The following SV2B variants were observed in gnomAD, a reference collection of about 807,000 sequenced individuals.
The protein encoded by SV2B is synaptic vesicle glycoprotein 2B.
Under a neutral mutation model 73.9 loss-of-function variants are expected in SV2B, and 41 were observed. The observed-to-expected ratio is 0.56, with a 90% CI of 0.43 to 0.72. The LOEUF is 0.72. Among genes scored for constraint, SV2B ranks in the 30% least tolerant of loss-of-function variants. The probability of loss-of-function intolerance (pLI) is 0.00; values close to 1 mark genes in which losing one functional copy is unlikely to be tolerated. For synonymous variants in SV2B, 314 were observed against 314.2 expected, an observed-to-expected ratio of 1.00 and a Z score of 0.01; for missense variants, 764 against 857.8, an observed-to-expected ratio of 0.89 and a Z score of 1.37.
intron 1 of SV2B, among the ~76,000 whole-genome samples, chr15:91,112,875 G>A (rs1412299090): frequency 3.3e-5 from 5 of 152,148 alleles, no homozygotes; most frequent in Non-Finnish European, 5.9e-5. Flanking sequence ...GGATTACAGT[G>A]GTGCCGTCAT....
chr15:91,125,800 ATT>A (rs2042465033), intron 1 of SV2B, among the ~76,000 whole-genome samples: 4 of 150,340 alleles, frequency 2.7e-5, no homozygotes, highest in African/African-American at 7.3e-5. Flanking sequence ...AAAAAAAAAA[ATT>A]CAGTCATTTA....
At chr15:91,262,864 G>A (rs1484488377) in intron 6 of SV2B, among the ~76,000 whole-genome samples, 1 of 152,186 alleles carries the variant, frequency 6.6e-6, no homozygotes, top group South Asian at 2.1e-4. Context: ...ACACATTGGT[G>A]AGGCTTCTGG....
rs1282278958 is a variant in SV2B, at chr15:91,300,170, G to A, written c.*7618G>A. On this transcript the variant is annotated 3_prime_UTR_variant, in exon 13 of 13. Transcript: ENST00000394232. ...AAGTAGTTAGAGATTTGGCAGTTTTGCCACATTTCAAATGGGCCAAACATT... is the reference window on the plus strand; with the variant it reads ...AAGTAGTTAGAGATTTGGCAGTTTTACCACATTTCAAATGGGCCAAACATT... 2.0e-5 allele frequency: 3 copies of A among 152,206 alleles called. No individual in the cohort carries two copies. The East Asian group carries it at 5.8e-4, about 29-fold the overall frequency. The allele number at this position is 152,206 out of a possible 1,614,324, so 9.4% of individuals were successfully genotyped here.
intron 1 of SV2B, among the ~76,000 whole-genome samples, chr15:91,168,491 A>C (rs892125301): frequency 3.3e-5 from 5 of 152,164 alleles, no homozygotes; most frequent in Non-Finnish European, 5.9e-5. Context: ...CAAGGCCAGC[A>C]GAGGAAAAAG....
At chr15:91,286,238 A>G (rs897657076) in intron 11 of SV2B, among the ~76,000 whole-genome samples, 6 of 152,134 alleles carry the variant, frequency 3.9e-5, no homozygotes, top group African/African-American at 1.2e-4. Context: ...GCTGATATCT[A>G]TTTCACTAGG....
At position 91,239,728 on chromosome 15, in the gene SV2B, T is replaced by C. The variant is rs1225600521; in HGVS notation, c.452-12091T>C. Among the ~76,000 whole-genome samples, 1 of 152,170 alleles carries C rather than the reference T, an allele frequency of 6.6e-6. No homozygotes were observed. Among genetic ancestry groups the C allele is most frequent in the Non-Finnish European group, 1.5e-5 (1 of 68,038 alleles). Reference sequence around the variant, plus strand: ...GGGTGCATTTGGCTTCTGGTAACAATAGCTTTGAATCATAAAGATACTCAT... The same window carrying C: ...GGGTGCATTTGGCTTCTGGTAACAACAGCTTTGAATCATAAAGATACTCAT... On this transcript the variant is annotated intron_variant, in intron 2 of 12. Transcript: ENST00000394232. The surrounding 1 kb of genome is among the most constrained non-coding windows in gnomAD (Gnocchi z 5.1).
rs1256154292 is a variant in SV2B at position 91,293,160 on chromosome 15, C to T, written c.*608C>T. On this transcript the variant is annotated 3_prime_UTR_variant, in exon 13 of 13. Transcript: ENST00000394232. ...TTTCTCCTATGTCTCCTAGGCTTTCCATGATAATTAGGTAATACATTTAAG... is the reference window on the plus strand; with the variant it reads ...TTTCTCCTATGTCTCCTAGGCTTTCTATGATAATTAGGTAATACATTTAAG... The T allele has an allele frequency of 6.6e-6, 1 of 152,148 alleles. No homozygotes were observed. The highest frequency in any genetic ancestry group is 2.4e-5 in the African/African-American group (1 of 41,414). The allele number at this position is 152,148 out of a possible 1,614,324, so 9.4% of individuals were successfully genotyped here. A position where few individuals can be genotyped will look rare whatever the true frequency, so the allele number is the denominator to read the frequency against.
intron 9 of SV2B, among the ~76,000 whole-genome samples, chr15:91,271,082 T>TGGGAGGACG (rs2048299749): frequency 7.7e-6 from 1 of 129,986 alleles, no homozygotes; most frequent in African/African-American, 3.1e-5. Flanking sequence ...CTGTGGATGA[T>TGGGAGGACG]GTTGTGGATG....
chr15:91,232,541 C>G lies in SV2B; in HGVS notation c.451+5827C>G, dbSNP rs973982723. Among the ~76,000 whole-genome samples the G allele has an allele frequency of 3.3e-5, 5 of 151,978 alleles. No homozygotes were observed. In the South Asian group the frequency reaches 6.2e-4, roughly 19 times the overall value. On this transcript the variant is annotated intron_variant, in intron 2 of 12. Transcript: ENST00000394232. This position sits in a 1 kb window ranked among gnomAD's most constrained non-coding sequence, Gnocchi z 4.7. ...TGTGGTTTAGGATGATCACTCTGCCCCAGTGATTTTGGTACTGAGAGTGCT... is the reference window on the plus strand; with the variant it reads ...TGTGGTTTAGGATGATCACTCTGCCGCAGTGATTTTGGTACTGAGAGTGCT...
At chr15:91,100,176 G>T (rs1382200526), upstream of SV2B, 1 of 152,062 alleles carries the variant, frequency 6.6e-6, no homozygotes, top group Non-Finnish European at 1.5e-5. The surrounding 1 kb of genome is among the most constrained non-coding windows in gnomAD (Gnocchi z 6.4). Context: ...GCGGGGGCGC[G>T]CTGCGCGCTG....
At position 91,124,354 on chromosome 15, in the gene SV2B, G is replaced by A. The variant is rs2151749077; in HGVS notation, c.-392+23991G>A. Reference sequence around the variant, plus strand: ...CAGGCAGGACTCTTGGGAGGATTGTGAAGCTAATGGCACCTCCTTCCTCAG... The same window carrying A: ...CAGGCAGGACTCTTGGGAGGATTGTAAAGCTAATGGCACCTCCTTCCTCAG... On this transcript the variant is annotated intron_variant, in intron 1 of 12. Coordinates refer to ENST00000394232, the MANE Select transcript of SV2B (RefSeq NM_001323032.3). The surrounding 1 kb of genome is among the most constrained non-coding windows in gnomAD (Gnocchi z 4.6). Among the ~76,000 whole-genome samples, 1 of 152,292 alleles carries A rather than the reference G, an allele frequency of 6.6e-6. No individual in the cohort carries two copies. The highest frequency in any genetic ancestry group is 2.1e-4 in the South Asian group (1 of 4,816).
At chr15:91,204,011 C>G (rs1357972973) in intron 1 of SV2B, among the ~76,000 whole-genome samples, 3 of 152,196 alleles carry the variant, frequency 2.0e-5, no homozygotes, top group Admixed American at 2.0e-4. Context: ...CAGTTCTGAT[C>G]AGTCGAAATA....
At position 91,106,318 on chromosome 15, in the gene SV2B, G is replaced by A. The variant is rs546225541; in HGVS notation, c.-392+5955G>A. Reference sequence around the variant, plus strand: ...TTTCAGGAAGGAGACATAGGTTTGAGTATCATTAGCATGTTATTTATTTTT... The same window carrying A: ...TTTCAGGAAGGAGACATAGGTTTGAATATCATTAGCATGTTATTTATTTTT... On this transcript the variant is annotated intron_variant, in intron 1 of 12. Transcript: ENST00000394232. The surrounding 1 kb of genome is among the most constrained non-coding windows in gnomAD (Gnocchi z 4.4). Among the ~76,000 whole-genome samples the A allele has an allele frequency of 2.6e-5, 4 of 152,282 alleles. No individual in the cohort carries two copies. In the South Asian group the frequency reaches 8.3e-4, roughly 32 times the overall value.
At position 91,123,293 on chromosome 15, in the gene SV2B, A is replaced by G. The variant is rs2042388264; in HGVS notation, c.-392+22930A>G. On this transcript the variant is annotated intron_variant, in intron 1 of 12. Coordinates refer to ENST00000394232, the MANE Select transcript of SV2B (RefSeq NM_001323032.3). This position sits in a 1 kb window ranked among gnomAD's most constrained non-coding sequence, Gnocchi z 4.7. Reference sequence around the variant, plus strand: ...CTTGTCTCAAAAACAAAAAATTGCAAAGGGAGTAGATTTTGTGTTCTTATC... The same window carrying G: ...CTTGTCTCAAAAACAAAAAATTGCAGAGGGAGTAGATTTTGTGTTCTTATC... Among the ~76,000 whole-genome samples the G allele has an allele frequency of 6.6e-6, 1 of 152,186 alleles. No homozygotes were observed. Among genetic ancestry groups the G allele is most frequent in the South Asian group, 2.1e-4 (1 of 4,830 alleles).
At chr15:91,256,005 G>A (rs917981768) in intron 4 of SV2B, among the ~76,000 whole-genome samples, 3 of 152,188 alleles carry the variant, frequency 2.0e-5, no homozygotes, top group African/African-American at 4.8e-5. Flanking sequence ...GTAAAGGGAA[G>A]TCTTGGCACC....
intron 2 of SV2B, among the ~76,000 whole-genome samples, chr15:91,250,463 A>G (rs887399841): frequency 5.3e-5 from 8 of 152,196 alleles, no homozygotes; most frequent in African/African-American, 1.9e-4. Context: ...TGCCACTTCT[A>G]TTCAACATAG....
rs1487115996 is a variant in SV2B at position 91,252,888 on chromosome 15, G to A, written c.784+368G>A. 1.3e-5 allele frequency among the ~76,000 whole-genome samples: 2 copies of A among 152,036 alleles called. No homozygotes were observed. The highest frequency in any genetic ancestry group is 2.9e-5 in the Non-Finnish European group (2 of 67,998). ...GGTAACCTGATTTAATAGATGACAGGTATGTGACAAAAGCCAAGAGAAGTT... is the reference window on the plus strand; with the variant it reads ...GGTAACCTGATTTAATAGATGACAGATATGTGACAAAAGCCAAGAGAAGTT... On this transcript the variant is annotated intron_variant, in intron 4 of 12. Transcript: ENST00000394232. The surrounding 1 kb of genome is among the most constrained non-coding windows in gnomAD (Gnocchi z 4.6).
intron 1 of SV2B, among the ~76,000 whole-genome samples, chr15:91,180,388 C>G (rs1010921652): frequency 2.7e-4 from 41 of 151,688 alleles, no homozygotes; most frequent in Non-Finnish European, 5.4e-4. Flanking sequence ...TTGCTCTTCT[C>G]GAGGAGTATC....
At chr15:91,225,029 G>C (rs911000086) in intron 1 of SV2B, among the ~76,000 whole-genome samples, 1 of 152,204 alleles carries the variant, frequency 6.6e-6, no homozygotes, top group Non-Finnish European at 1.5e-5. Flanking sequence ...GTATTTACCC[G>C]TGCAGACCAG....
Sources: gnomAD v4.1 joint callset for allele counts (sites outside exome capture counted in the v4.1 genomes callset) on GRCh38, gnomAD v4.1.1 for gene constraint, Gnocchi (gnomAD v3.1) non-coding constraint, MANE v1.5 for transcripts, NCBI Gene and HGNC (gene_info 2026-07-23, HGNC 2026-07-21) for gene names.